Variants in CSMD1 observed in about 807,000 individuals in gnomAD.
CSMD1 encodes the protein CUB and sushi domain-containing protein 1.
In CSMD1, 213 loss-of-function variants were observed where a neutral mutation model predicts 417.5. The ratio of observed to expected loss-of-function variants is 0.51; its 90% confidence interval spans 0.46 to 0.57. The LOEUF (loss-of-function observed/expected upper bound fraction) is 0.57. Ranked by LOEUF, CSMD1 falls within the 20% of genes least tolerant of loss-of-function variation. CSMD1 has a pLI of 0.00. For synonymous variants in CSMD1, 2,862 were observed against 1,736.8 expected, an observed-to-expected ratio of 1.65 and a Z score of -16.11; for missense variants, 6,923 against 4,529.7, an observed-to-expected ratio of 1.53 and a Z score of -15.17.
chr8:4,653,428 T>A (rs1318679930), intron 1 of CSMD1, among the ~76,000 whole-genome samples: 1 of 152,090 alleles, frequency 6.6e-6, no homozygotes, highest in Non-Finnish European at 1.5e-5. Flanking sequence ...TTCACAAGAG[T>A]ACCTTGTCTG....
chr8:3,524,848 C>T (rs1326088553), intron 10 of CSMD1, among the ~76,000 whole-genome samples: 2 of 151,224 alleles, frequency 1.3e-5, no homozygotes, highest in African/African-American at 4.9e-5. Flanking sequence ...TTTACAACTT[C>T]CTTTCTATTT....
rs558969028 is a variant in CSMD1 at position 4,437,213 on chromosome 8, G to A, written c.303-17148C>T. Among the ~76,000 whole-genome samples, 290 of 152,244 alleles carry A rather than the reference G, an allele frequency of 1.9e-3. 1 individual carries two copies. Among genetic ancestry groups the A allele is most frequent in the African/African-American group, 6.6e-3 (275 of 41,564 alleles). On this transcript the variant is annotated intron_variant, in intron 2 of 69. Coordinates refer to ENST00000635120, the MANE Select transcript of CSMD1 (RefSeq NM_033225.6). ...GTCTCAACAAATCAAATCAATGACTGACCAATGTATCAAATTGAAGAACTG... is the reference window on the plus strand; with the variant it reads ...GTCTCAACAAATCAAATCAATGACTAACCAATGTATCAAATTGAAGAACTG...
At chr8:4,649,593 G>A (rs993456394) in intron 1 of CSMD1, among the ~76,000 whole-genome samples, 1 of 152,098 alleles carries the variant, frequency 6.6e-6, no homozygotes, top group African/African-American at 2.4e-5. Flanking sequence ...AAAAGAATGT[G>A]TCTACAAATT....
intron 3 of CSMD1, among the ~76,000 whole-genome samples, chr8:4,121,101 A>G (rs1256514640): frequency 1.8e-4 from 27 of 150,774 alleles, no homozygotes; most frequent in Admixed American, 1.4e-3. Flanking sequence ...TTTATTTTTT[A>G]TTTATTTTTA....
At chr8:4,307,094 G>A (rs1397187066) in intron 3 of CSMD1, among the ~76,000 whole-genome samples, 1 of 152,018 alleles carries the variant, frequency 6.6e-6, no homozygotes, top group African/African-American at 2.4e-5. Flanking sequence ...AATTTCAATT[G>A]TTTTATCTCT....
intron 52 of CSMD1, among the ~76,000 whole-genome samples, chr8:3,007,803 G>C (rs924111789): frequency 2.0e-5 from 3 of 149,726 alleles, no homozygotes; most frequent in African/African-American, 5.0e-5. Flanking sequence ...GATAGCATCG[G>C]GAGATATACC....
At chr8:4,540,829 C>CA (rs36019724) in intron 2 of CSMD1, among the ~76,000 whole-genome samples, 3 of 151,822 alleles carry the variant, frequency 2.0e-5, no homozygotes, top group Admixed American at 1.3e-4. Flanking sequence ...AAAACTGAGG[C>CA]AAAAAAAGGT....
rs7461719 is a variant in CSMD1, at chr8:2,936,608, G to C, written c.*1977C>G. Reference sequence around the variant, plus strand: ...CAGGTTGGCCAGGGAAAACTGTGCAGAGAATTCAGCATAATGATACAGAAT... The same window carrying C: ...CAGGTTGGCCAGGGAAAACTGTGCACAGAATTCAGCATAATGATACAGAAT... On this transcript the variant is annotated 3_prime_UTR_variant, in exon 70 of 70. Transcript: ENST00000635120. The C allele has an allele frequency of 2.0e-5, 3 of 152,250 alleles. No individual in the cohort carries two copies. Among genetic ancestry groups the C allele is most frequent in the African/African-American group, 7.2e-5 (3 of 41,534 alleles). 9.4% of individuals were successfully genotyped at this position (152,250 alleles called of 1,614,324 possible).
intron 5 of CSMD1, among the ~76,000 whole-genome samples, chr8:3,935,595 T>C (rs1315984557): frequency 6.6e-6 from 1 of 152,084 alleles, no homozygotes; most frequent in Non-Finnish European, 1.5e-5. Flanking sequence ...CATCAGTAAT[T>C]TTTGTTGTAA....
rs1200119145 is a variant in CSMD1 at position 4,297,087 on chromosome 8, G to C, written c.415+122866C>G. Among the ~76,000 whole-genome samples the C allele has an allele frequency of 3.9e-3, 3 of 774 alleles. No individual in the cohort carries two copies. The East Asian group carries it at 0.21, about 55-fold the overall frequency. 0.5% of individuals were successfully genotyped at this position (774 alleles called of 152,430 possible). ...TGGGTTAGATAGGTTGAAGAGCTTG[G>C]GGAGACTCTAGAGCATCGTAGGTGT... is the stretch of plus-strand genomic sequence containing the variant. On this transcript the variant is annotated intron_variant, in intron 3 of 69. Coordinates refer to ENST00000635120, the MANE Select transcript of CSMD1 (RefSeq NM_033225.6).
chr8:3,749,560 G>A (rs1377573947), intron 6 of CSMD1, among the ~76,000 whole-genome samples: 1 of 152,052 alleles, frequency 6.6e-6, no homozygotes, highest in African/African-American at 2.4e-5. Context: ...TTTTATGTTG[G>A]TTGTCATTTA....
At chr8:3,322,780 A>C (rs1361325785) in intron 23 of CSMD1, among the ~76,000 whole-genome samples, 1 of 152,186 alleles carries the variant, frequency 6.6e-6, no homozygotes, top group Non-Finnish European at 1.5e-5. Flanking sequence ...AACCTCAAAC[A>C]TCACCAAGGA....
intron 50 of CSMD1, among the ~76,000 whole-genome samples, chr8:3,050,207 T>C (rs1563280647): frequency 6.6e-6 from 1 of 151,678 alleles, no homozygotes; most frequent in Non-Finnish European, 1.5e-5. Context: ...TAAATCTCTC[T>C]AGAGTATTTC....
At chr8:3,990,890 G>A (rs1047778783) in intron 5 of CSMD1, among the ~76,000 whole-genome samples, 1 of 152,092 alleles carries the variant, frequency 6.6e-6, no homozygotes, top group African/African-American at 2.4e-5. Flanking sequence ...TGCTCCTGGA[G>A]GTCCATTCTG....
intron 2 of CSMD1, among the ~76,000 whole-genome samples, chr8:4,453,719 G>T (rs184092009): frequency 6.6e-6 from 1 of 151,806 alleles, no homozygotes; most frequent in Non-Finnish European, 1.5e-5. Flanking sequence ...GCATCACAGC[G>T]GGCTTAACCA....
chr8:3,285,524 C>G (rs1018775545), intron 25 of CSMD1, among the ~76,000 whole-genome samples: 1 of 151,754 alleles, frequency 6.6e-6, no homozygotes, highest in African/African-American at 2.4e-5. Flanking sequence ...GAAGCTAGGA[C>G]TACAAGCATG....
chr8:3,817,222 C>A (rs1801425184), intron 5 of CSMD1, among the ~76,000 whole-genome samples: 1 of 138,296 alleles, frequency 7.2e-6, no homozygotes, highest in Non-Finnish European at 1.5e-5. Context: ...GAAAGGATCT[C>A]CAAATCCAAA....
At chr8:2,994,353 C>A (rs1056868250) in intron 54 of CSMD1, among the ~76,000 whole-genome samples, 3 of 152,002 alleles carry the variant, frequency 2.0e-5, no homozygotes, top group African/African-American at 4.8e-5. Flanking sequence ...AGTAACATTG[C>A]CTTGCAGTGG....
chr8:3,401,494 C>T (rs1407837776), intron 15 of CSMD1, among the ~76,000 whole-genome samples: 2 of 152,028 alleles, frequency 1.3e-5, no homozygotes, highest in Non-Finnish European at 2.9e-5. Flanking sequence ...GCAAAATTTA[C>T]ACTAAAATAA....
Sources: gnomAD v4.1 joint callset for allele counts (sites outside exome capture counted in the v4.1 genomes callset) on GRCh38, gnomAD v4.1.1 for gene constraint, MANE v1.5 for transcripts, NCBI Gene and HGNC (gene_info 2026-07-23, HGNC 2026-07-21) for gene names.